FHIP1A: variants seen among roughly 807,000 people sequenced by gnomAD.
The protein encoded by FHIP1A is FHF complex subunit HOOK interacting protein 1A.
In FHIP1A, 61 loss-of-function variants were observed where a neutral mutation model predicts 88.6. That is an observed-to-expected ratio of 0.69 (90% CI 0.56 to 0.85). FHIP1A has a LOEUF of 0.85. Ranked by LOEUF, FHIP1A falls within the 40% of genes least tolerant of loss-of-function variation. The pLI, the probability that FHIP1A is intolerant of heterozygous loss-of-function variation, is 0.00. For missense variants in FHIP1A, 1,154 were observed against 1,273.5 expected (o/e 0.91, Z 1.43); for synonymous variants, 478 against 496.0 (o/e 0.96, Z 0.48).
intron 3 of FHIP1A, among the ~76,000 whole-genome samples, chr4:151,506,488 C>T (rs773428829): frequency 6.6e-5 from 10 of 152,098 alleles, no homozygotes; most frequent in African/African-American, 1.4e-4. Flanking sequence ...AAGCATGGCA[C>T]CAGCATCTGC....
intron 1 of FHIP1A, among the ~76,000 whole-genome samples, chr4:151,448,121 G>A (rs1296108525): frequency 2.0e-5 from 3 of 151,406 alleles, no homozygotes; most frequent in Non-Finnish European, 4.4e-5. Context: ...ATTTCACCAT[G>A]TTGGCCAGGC....
chr4:151,519,055 C>G (rs1731359733), intron 3 of FHIP1A, among the ~76,000 whole-genome samples: 1 of 152,168 alleles, frequency 6.6e-6, no homozygotes, highest in South Asian at 2.1e-4. Flanking sequence ...AACATGAACT[C>G]AATATTTATT....
At chr4:151,561,998 C>T (rs1260782850) in intron 3 of FHIP1A, among the ~76,000 whole-genome samples, 1 of 152,130 alleles carries the variant, frequency 6.6e-6, no homozygotes, top group Non-Finnish European at 1.5e-5. Context: ...CCTAAGAAAT[C>T]CTACTTTAGT....
intron 7 of FHIP1A, among the ~76,000 whole-genome samples, chr4:151,589,964 G>A (rs181159764): frequency 1.8e-4 from 28 of 152,272 alleles, no homozygotes; most frequent in Admixed American, 3.3e-4. Flanking sequence ...AGGTTTCCAT[G>A]TTATTTTAGT....
chr4:151,575,405 G>A (rs1445773336), intron 4 of FHIP1A, among the ~76,000 whole-genome samples: 1 of 152,160 alleles, frequency 6.6e-6, no homozygotes, highest in African/African-American at 2.4e-5. Context: ...GGATGGGAGA[G>A]AACCAGGTCC....
intron 3 of FHIP1A, among the ~76,000 whole-genome samples, chr4:151,521,114 G>A (rs576166145): frequency 3.3e-5 from 5 of 152,188 alleles, no homozygotes; most frequent in Non-Finnish European, 7.4e-5. Flanking sequence ...AATGATCCCT[G>A]AGGTGCATGT....
intron 1 of FHIP1A, among the ~76,000 whole-genome samples, chr4:151,445,754 C>T (rs1349629437): frequency 6.7e-6 from 1 of 150,366 alleles, no homozygotes; most frequent in Admixed American, 6.7e-5. Flanking sequence ...ATTCAGGAGG[C>T]TAAGGCAGGA....
chr4:151,534,913 G>C (rs779050547), intron 3 of FHIP1A: 1 of 152,154 alleles, frequency 6.6e-6, no homozygotes, highest in Non-Finnish European at 1.5e-5. Context: ...ATGTTCAAAT[G>C]CTTAGTTAAA....
chr4:151,441,397 G>C (rs1728408769), intron 1 of FHIP1A, among the ~76,000 whole-genome samples: 1 of 151,780 alleles, frequency 6.6e-6, no homozygotes, highest in African/African-American at 2.4e-5. Context: ...AATAGTAATG[G>C]CTTCAAATGA....
intron 3 of FHIP1A, among the ~76,000 whole-genome samples, chr4:151,525,952 G>C (rs1378284807): frequency 6.6e-6 from 1 of 151,802 alleles, no homozygotes; most frequent in East Asian, 1.9e-4. Flanking sequence ...AGGGAGTGGT[G>C]ATGACTCTTA....
intron 3 of FHIP1A, among the ~76,000 whole-genome samples, chr4:151,486,785 G>C (rs1482949468): frequency 1.3e-5 from 2 of 151,852 alleles, no homozygotes; most frequent in Non-Finnish European, 2.9e-5. Flanking sequence ...TGACCAACAT[G>C]ATGAAACCCC....
At chr4:151,511,510 T>A (rs1317317814) in intron 3 of FHIP1A, among the ~76,000 whole-genome samples, 1 of 152,036 alleles carries the variant, frequency 6.6e-6, no homozygotes, top group Non-Finnish European at 1.5e-5. Flanking sequence ...GCGCAAGGGG[T>A]CAGGGAGTTC....
intron 5 of FHIP1A, among the ~76,000 whole-genome samples, chr4:151,579,554 G>A (rs963663825): frequency 6.6e-6 from 1 of 152,116 alleles, no homozygotes; most frequent in African/African-American, 2.4e-5. Context: ...AAATATTCAG[G>A]TGGTTCACTT....
intron 2 of FHIP1A, among the ~76,000 whole-genome samples, chr4:151,481,057 CA>C (rs1232737279): frequency 1.3e-5 from 2 of 151,982 alleles, no homozygotes; most frequent in Admixed American, 1.3e-4. Flanking sequence ...TTCAAAAAGA[CA>C]TATTTGTTTT....
intron 3 of FHIP1A, among the ~76,000 whole-genome samples, chr4:151,538,913 G>A (rs1281226480): frequency 6.6e-6 from 1 of 152,192 alleles, no homozygotes; most frequent in Non-Finnish European, 1.5e-5. Context: ...ACATAGGTAT[G>A]GAGCAGTGTC....
intron 2 of FHIP1A, among the ~76,000 whole-genome samples, chr4:151,467,959 C>A (rs1729379924): frequency 6.7e-6 from 1 of 149,072 alleles, no homozygotes; most frequent in Non-Finnish European, 1.5e-5. Context: ...AACAAACGCT[C>A]ACGTTCTGCA....
intron 7 of FHIP1A, among the ~76,000 whole-genome samples, chr4:151,619,927 A>G (rs935582566): frequency 6.6e-5 from 10 of 152,172 alleles, no homozygotes; most frequent in Non-Finnish European, 1.3e-4. Flanking sequence ...CTCACTAGCC[A>G]AAACATACAT....
chr4:151,629,586 G>A, intron 7 of FHIP1A, 116 bp from the exon 8 acceptor site: 2 of 797,988 alleles, frequency 2.5e-6, no homozygotes, highest in East Asian at 5.5e-5. Context: ...GTTTTCGTGG[G>A]CAGGCATGTT....
chr4:151,571,433 G>T lies in FHIP1A; in HGVS notation c.105+5069G>T, dbSNP rs148141886. ...TTTAGTAACCTTTTTCATCTTGGAG[G>T]GGGTAGGGATGGGAAAAAACAGAAC... On this transcript the variant is annotated intron_variant, in intron 4 of 13. Coordinates refer to ENST00000435205, the MANE Select transcript of FHIP1A (RefSeq NM_001109977.3). Among the ~76,000 whole-genome samples, 607 of 152,252 alleles carry T rather than the reference G, an allele frequency of 4.0e-3. 6 individuals carry two copies. The highest frequency in any genetic ancestry group is 0.014 in the African/African-American group (567 of 41,556).
Sources: allele counts gnomAD v4.1 joint callset (sites outside exome capture counted in the v4.1 genomes callset), GRCh38; gene constraint gnomAD v4.1.1; transcripts MANE v1.5; gene names NCBI Gene and HGNC (gene_info 2026-07-23, HGNC 2026-07-21).